PIEZO2: variants seen among roughly 807,000 people sequenced by gnomAD.
PIEZO2 encodes piezo type mechanosensitive ion channel component 2.
Under a neutral mutation model 337.3 loss-of-function variants are expected in PIEZO2, and 172 were observed. The observed-to-expected ratio is 0.51, with a 90% CI of 0.45 to 0.58. PIEZO2 has a LOEUF of 0.58. Among genes scored for constraint, PIEZO2 ranks in the 20% least tolerant of loss-of-function variants. The pLI is 0.00. For synonymous variants in PIEZO2, 1,251 were observed against 1,228.5 expected (o/e 1.02, Z -0.38); for missense variants, 3,028 against 3,391.3 (o/e 0.89, Z 2.66).
chr18:10,832,756 G>C (rs955565270), intron 7 of PIEZO2, among the ~76,000 whole-genome samples: 1 of 152,222 alleles, frequency 6.6e-6, no homozygotes, highest in Non-Finnish European at 1.5e-5. Context: ...GATATGAAGT[G>C]CTTCTCCTCG....
At chr18:10,911,350 A>G (rs1329669313) in intron 3 of PIEZO2, 122 bp from the exon 4 acceptor site, 5 of 322,080 alleles carry the variant, frequency 1.6e-5, no homozygotes, top group African/African-American at 1.2e-4. Context: ...TTTTTCTTCA[A>G]ATGCATTACT....
chr18:10,677,804 C>T lies in PIEZO2; in HGVS notation c.8024G>A (p.Arg2675Gln), dbSNP rs1333324116. 6.2e-6 allele frequency: 10 copies of T among 1,610,808 alleles called. No individual in the cohort carries two copies. Among genetic ancestry groups the T allele is most frequent in the Middle Eastern group, 3.3e-4 (2 of 6,044 alleles). Residue 2675 changes from arginine to glutamine, a missense_variant, in exon 53 of 56, where the codon CGA becomes CAA. This residue lies in a region of PIEZO2 where 332 missense variants were observed against 363.8 expected (regional missense o/e 0.91). Transcript: ENST00000674853. The surrounding 1 kb of genome is among the most constrained non-coding windows in gnomAD (Gnocchi z 4.1). ...TGCTATCATTTTAGCGATATTCTTTCGAGTAATATTTTTAAGAGGAAAAGA... is the reference window on the plus strand; with the variant it reads ...TGCTATCATTTTAGCGATATTCTTTTGAGTAATATTTTTAAGAGGAAAAGA... ...KLSFPLKNIT[R>Q]KNIAKMIAGN... is the part of the protein sequence containing the mutation.
chr18:10,808,937 T>C (rs2040086747), intron 7 of PIEZO2, among the ~76,000 whole-genome samples: 1 of 152,232 alleles, frequency 6.6e-6, no homozygotes, highest in Non-Finnish European at 1.5e-5. Context: ...ACTAACCTCA[T>C]CAACTCTCAG....
chr18:10,883,321 T>C (rs558675323), intron 4 of PIEZO2, among the ~76,000 whole-genome samples: 1 of 152,292 alleles, frequency 6.6e-6, no homozygotes, highest in South Asian at 2.1e-4. Flanking sequence ...TAGTTCTGTT[T>C]TTAGTTTTTG....
intron 2 of PIEZO2, among the ~76,000 whole-genome samples, chr18:11,049,929 A>G (rs1022825235): frequency 2.0e-5 from 3 of 152,306 alleles, no homozygotes; most frequent in Non-Finnish European, 4.4e-5. Flanking sequence ...GATAACACTT[A>G]TTGTAGCCAA....
intron 2 of PIEZO2, among the ~76,000 whole-genome samples, chr18:11,022,693 G>T (rs2036355706): frequency 6.6e-6 from 1 of 152,156 alleles, no homozygotes; most frequent in African/African-American, 2.4e-5. Context: ...GTCAACATAT[G>T]AATTTAAGGG....
At chr18:10,889,095 A>G (rs1021347076) in intron 4 of PIEZO2, among the ~76,000 whole-genome samples, 1 of 152,256 alleles carries the variant, frequency 6.6e-6, no homozygotes, top group African/African-American at 2.4e-5. Context: ...AAAGAGGCTG[A>G]AAGAGAAGAG....
chr18:10,711,725 T>C (rs985366985), intron 39 of PIEZO2, among the ~76,000 whole-genome samples: 1 of 152,240 alleles, frequency 6.6e-6, no homozygotes, highest in Non-Finnish European at 1.5e-5. Context: ...CGAAGAAAGA[T>C]GCAAAGGTGC....
intron 23 of PIEZO2, 71 bp from the exon 24 acceptor site, chr18:10,761,182 A>G: frequency 7.8e-7 from 1 of 1,289,538 alleles, no homozygotes; most frequent in Non-Finnish European, 1.1e-6. Flanking sequence ...CAATCCCCAC[A>G]TTCTGCACAG....
At chr18:10,688,120 T>C (rs959209008) in intron 49 of PIEZO2, among the ~76,000 whole-genome samples, 2 of 152,124 alleles carry the variant, frequency 1.3e-5, no homozygotes, top group Non-Finnish European at 2.9e-5. Context: ...AAGCCCCCCA[T>C]GCGTTAGGTA....
chr18:10,813,994 G>T lies in PIEZO2; in HGVS notation c.918-6720C>A, dbSNP rs1267855292. ...ATATTTTTTTTTTTTTTGAGATGGAGTTTTGCTCTGTGGCCCAGGCTGGAG... is the reference window on the plus strand; with the variant it reads ...ATATTTTTTTTTTTTTTGAGATGGATTTTTGCTCTGTGGCCCAGGCTGGAG... On this transcript the variant is annotated intron_variant, in intron 7 of 55. Coordinates refer to ENST00000674853, the MANE Select transcript of PIEZO2 (RefSeq NM_001378183.1). The surrounding 1 kb of genome is among the most constrained non-coding windows in gnomAD (Gnocchi z 4.2). 1.3e-5 allele frequency among the ~76,000 whole-genome samples: 2 copies of T among 150,752 alleles called. No homozygotes were observed. The highest frequency in any genetic ancestry group is 3.9e-4 in the East Asian group (2 of 5,144).
rs1012423285 is a variant in PIEZO2 at position 11,116,740 on chromosome 18, C to T, written c.64+31785G>A. ...AAAAAAAACAAAGAAAAAAAAAAATCATTCCATTTATCTACTGAATGTTAC... is the reference window on the plus strand; with the variant it reads ...AAAAAAAACAAAGAAAAAAAAAAATTATTCCATTTATCTACTGAATGTTAC... On this transcript the variant is annotated intron_variant, in intron 1 of 55. Transcript: ENST00000674853. This position sits in a 1 kb window ranked among gnomAD's most constrained non-coding sequence, Gnocchi z 5.0. Among the ~76,000 whole-genome samples, 22 of 151,208 alleles carry T rather than the reference C, an allele frequency of 1.5e-4. No individual in the cohort carries two copies. Among genetic ancestry groups the T allele is most frequent in the African/African-American group, 5.1e-4 (21 of 40,998 alleles).
rs1568157409 is a variant in PIEZO2, at chr18:10,878,700, G to T, written c.330-7285C>A. 6.6e-6 allele frequency among the ~76,000 whole-genome samples: 1 copy of T among 152,008 alleles called. No individual in the cohort carries two copies. The highest frequency in any genetic ancestry group is 1.9e-4 in the East Asian group (1 of 5,174). Reference sequence around the variant, plus strand: ...GCCAGACACTGTCTCTAAGCACAGAGTATTGGTTGTGAAGTTATATATGAA... The same window carrying T: ...GCCAGACACTGTCTCTAAGCACAGATTATTGGTTGTGAAGTTATATATGAA... On this transcript the variant is annotated intron_variant, in intron 4 of 55. Coordinates refer to ENST00000674853, the MANE Select transcript of PIEZO2 (RefSeq NM_001378183.1). This position sits in a 1 kb window ranked among gnomAD's most constrained non-coding sequence, Gnocchi z 4.3.
At chr18:10,737,293 A>C (rs1040623157) in intron 33 of PIEZO2, among the ~76,000 whole-genome samples, 1 of 145,236 alleles carries the variant, frequency 6.9e-6, no homozygotes, top group Non-Finnish European at 1.5e-5. Flanking sequence ...TTGAAAAAAA[A>C]AAAACAAAAA....
At position 11,092,247 on chromosome 18, in the gene PIEZO2, G is replaced by T. The variant is rs778438278; in HGVS notation, c.65-26025C>A. ...GAACAGGAAATAACAATGGGAAAATGGTTGAAGATATTAAGAAAAGTCCAT... is the reference window on the plus strand; with the variant it reads ...GAACAGGAAATAACAATGGGAAAATTGTTGAAGATATTAAGAAAAGTCCAT... On this transcript the variant is annotated intron_variant, in intron 1 of 55. Coordinates refer to ENST00000674853, the MANE Select transcript of PIEZO2 (RefSeq NM_001378183.1). This position sits in a 1 kb window ranked among gnomAD's most constrained non-coding sequence, Gnocchi z 4.5. 3.3e-5 allele frequency among the ~76,000 whole-genome samples: 5 copies of T among 152,162 alleles called. No homozygotes were observed. Among genetic ancestry groups the T allele is most frequent in the African/African-American group, 7.2e-5 (3 of 41,434 alleles).
rs1371804971 is a variant in PIEZO2 at position 10,682,779 on chromosome 18, A to C, written c.7498-487T>G. 3.3e-5 allele frequency among the ~76,000 whole-genome samples: 5 copies of C among 151,994 alleles called. No homozygotes were observed. Among genetic ancestry groups the C allele is most frequent in the African/African-American group, 1.2e-4 (5 of 41,394 alleles). On this transcript the variant is annotated intron_variant, in intron 49 of 55. Transcript: ENST00000674853. This position sits in a 1 kb window ranked among gnomAD's most constrained non-coding sequence, Gnocchi z 5.6. ...TTTAATTCATGACACGTGTTGTTAAAGACAATGTTGTTCGACACCTAAGGT... is the reference window on the plus strand; with the variant it reads ...TTTAATTCATGACACGTGTTGTTAACGACAATGTTGTTCGACACCTAAGGT...
chr18:11,132,152 A>G lies in PIEZO2; in HGVS notation c.64+16373T>C, dbSNP rs1568401674. On this transcript the variant is annotated intron_variant, in intron 1 of 55. Transcript: ENST00000674853. This position sits in a 1 kb window ranked among gnomAD's most constrained non-coding sequence, Gnocchi z 4.7. ...AGGAGAGATTTGTTCTCACTGGAATAGACACTTACTCTGTATATAGGTTTG... is the reference window on the plus strand; with the variant it reads ...AGGAGAGATTTGTTCTCACTGGAATGGACACTTACTCTGTATATAGGTTTG... 6.6e-6 allele frequency among the ~76,000 whole-genome samples: 1 copy of G among 152,166 alleles called. No homozygotes were observed. Among genetic ancestry groups the G allele is most frequent in the Non-Finnish European group, 1.5e-5 (1 of 68,022 alleles).
rs371056467 is a variant in PIEZO2 at position 10,945,355 on chromosome 18, A to G, written c.287-34127T>C. Reference sequence around the variant, plus strand: ...CCACTGCACCTGGCTGAAACTCTCTAAAAGACCCTCTCTTCCTTAAGAGAG... The same window carrying G: ...CCACTGCACCTGGCTGAAACTCTCTGAAAGACCCTCTCTTCCTTAAGAGAG... On this transcript the variant is annotated intron_variant, in intron 3 of 55. Transcript: ENST00000674853. This position sits in a 1 kb window ranked among gnomAD's most constrained non-coding sequence, Gnocchi z 4.0. Among the ~76,000 whole-genome samples the G allele has an allele frequency of 1.5e-3, 233 of 152,192 alleles. No individual in the cohort carries two copies. Among genetic ancestry groups the G allele is most frequent in the African/African-American group, 5.2e-3 (214 of 41,518 alleles).
chr18:10,830,027 A>C lies in PIEZO2; in HGVS notation c.918-22753T>G, dbSNP rs1048629237. Among the ~76,000 whole-genome samples the C allele has an allele frequency of 6.6e-6, 1 of 152,124 alleles. No individual in the cohort carries two copies. Among genetic ancestry groups the C allele is most frequent in the Admixed American group, 6.6e-5 (1 of 15,260 alleles). On this transcript the variant is annotated intron_variant, in intron 7 of 55. Transcript: ENST00000674853. This position sits in a 1 kb window ranked among gnomAD's most constrained non-coding sequence, Gnocchi z 4.7. ...AGAAGTACAAAACTGGAGGAATCAC[A>C]TTACCTCACTTCGAATTATACTACA...
Sources: gnomAD v4.1 joint callset for allele counts (sites outside exome capture counted in the v4.1 genomes callset) on GRCh38, gnomAD v4.1.1 for gene constraint, gnomAD v4.1.1 regional missense constraint, Gnocchi (gnomAD v3.1) non-coding constraint, MANE v1.5 for transcripts, NCBI Gene and HGNC (gene_info 2026-07-23, HGNC 2026-07-21) for gene names.